GAS5: variants seen among roughly 807,000 people sequenced by gnomAD.
GAS5 encodes the protein growth arrest specific 5 (non-protein coding).
intron 1 of GAS5, chr1:173,866,858 T>C (rs1420099441): frequency 1.3e-6 from 1 of 765,506 alleles, no homozygotes; most frequent in Non-Finnish European, 2.4e-6. Flanking sequence ...TCACGTTAAA[T>C]ATAAATGCTG....
upstream of GAS5, chr1:173,867,069 A>T (rs577380006): frequency 1.1e-3 from 767 of 686,548 alleles, 7 homozygotes; most frequent in South Asian, 0.011. Flanking sequence ...ACAGATTTTA[A>T]TTCATTGTTC....
At chr1:173,867,296 G>T (rs1244790597), upstream of GAS5, 1 of 464,036 alleles carries the variant, frequency 2.2e-6, no homozygotes, top group East Asian at 3.8e-5. Context: ...ACGGCTGGTG[G>T]ATCACCTGAG....
rs192922148 is a variant in GAS5, at chr1:173,866,333, G to A, written n.132-127C>T. The A allele has an allele frequency of 5.9e-5, 31 of 521,610 alleles. No individual in the cohort carries two copies. The East Asian group carries it at 1.6e-3, about 27-fold the overall frequency. 32.3% of individuals were successfully genotyped at this position (521,610 alleles called of 1,614,324 possible). A position where few individuals can be genotyped will look rare whatever the true frequency, so the allele number is the denominator to read the frequency against. ...TCAGACAGATAGTACATCTCTTCATGATTAAATCTGCTGAACTATGCAACC... is the reference window on the plus strand; with the variant it reads ...TCAGACAGATAGTACATCTCTTCATAATTAAATCTGCTGAACTATGCAACC... On this transcript the variant is annotated intron_variant and non_coding_transcript_variant, in intron 3 of 7. Coordinates refer to ENST00000651080, the Ensembl canonical transcript of GAS5.
chr1:173,867,225 A>C, upstream of GAS5: 1 of 533,816 alleles, frequency 1.9e-6, no homozygotes, highest in South Asian at 2.8e-5. Flanking sequence ...GCAGTTAAGA[A>C]CCACCGATGG....
chr1:173,865,034 A>G, intron 6 of GAS5: 1 of 390,260 alleles, frequency 2.6e-6, no homozygotes. Context: ...AGCCTGGACA[A>G]CATAGCTGTA....
At chr1:173,866,607 C>G (rs762173235) in intron 2 of GAS5, 4 of 763,718 alleles carry the variant, frequency 5.2e-6, no homozygotes. Context: ...GGTGTACTCT[C>G]TATGTTCCCC....
chr1:173,867,868 T>C (rs1471737436), upstream of GAS5: 1 of 446,596 alleles, frequency 2.2e-6, no homozygotes, highest in Non-Finnish European at 4.6e-6. Context: ...GGCGCGCGAC[T>C]GGCTTAGAAG....
At chr1:173,867,552 C>T, upstream of GAS5, 1 of 469,746 alleles carries the variant, frequency 2.1e-6, no homozygotes, top group Non-Finnish European at 4.3e-6. Context: ...ATTGGTGACA[C>T]TGCGGAATGC....
intron 6 of GAS5, chr1:173,864,956 C>T (rs1354464482): frequency 3.9e-6 from 2 of 510,876 alleles, no homozygotes; most frequent in Middle Eastern, 3.4e-4. Context: ...TGGTGGCTCA[C>T]GCCTGTAATC....
At chr1:173,865,556 C>A in intron 5 of GAS5, 1 of 517,568 alleles carries the variant, frequency 1.9e-6, no homozygotes, top group Non-Finnish European at 3.9e-6. Context: ...AGCTGGAATA[C>A]AAATGAGGAC....
chr1:173,866,865 G>A, intron 1 of GAS5: 1 of 765,478 alleles, frequency 1.3e-6, no homozygotes, highest in East Asian at 2.4e-5. Context: ...AAATATAAAT[G>A]CTGTTAACAT....
At chr1:173,866,604 T>C in intron 2 of GAS5, 1 of 763,544 alleles carries the variant, frequency 1.3e-6, no homozygotes, top group East Asian at 2.4e-5. Context: ...TTAGGTGTAC[T>C]CTCTATGTTC....
intron 2 of GAS5, chr1:173,866,569 T>C: frequency 2.6e-6 from 2 of 756,488 alleles, no homozygotes; most frequent in Non-Finnish European, 4.8e-6. Flanking sequence ...CTTTAGGACC[T>C]GGGAAGAAAC....
At chr1:173,867,506 G>A, upstream of GAS5, 2 of 370,640 alleles carry the variant, frequency 5.4e-6, no homozygotes, top group Non-Finnish European at 5.4e-6. Flanking sequence ...AACGAGGCTC[G>A]GTCTCAAAAA....
At chr1:173,867,996 T>G (rs1048920653), upstream of GAS5, 2 of 324,604 alleles carry the variant, frequency 6.2e-6, no homozygotes, top group Non-Finnish European at 6.2e-6. Context: ...AAAGACAGTA[T>G]GGTGCCTGGG....
At chr1:173,866,191 G>T in exon 4 of GAS5, 1 of 469,092 alleles carries the variant, frequency 2.1e-6, no homozygotes, top group South Asian at 1.5e-5. Flanking sequence ...TCAACTTCCA[G>T]CTTTCTGTCT....
upstream of GAS5, chr1:173,868,075 T>C (rs1382348846): frequency 1.2e-5 from 2 of 172,618 alleles, no homozygotes; most frequent in Non-Finnish European, 2.5e-5. Context: ...CTTCGGCTCC[T>C]CCCCCTAACC....
At chr1:173,868,146 T>A, upstream of GAS5, 1 of 156,074 alleles carries the variant, frequency 6.4e-6, no homozygotes, top group Admixed American at 6.5e-5. Flanking sequence ...CCGCCCCTTT[T>A]CCCCGCCCTT....
intron 7 of GAS5, chr1:173,863,961 T>TC (rs778418104): frequency 7.0e-6 from 2 of 285,876 alleles, no homozygotes; most frequent in Non-Finnish European, 1.4e-5. Flanking sequence ...GCCATGAGAC[T>TC]CCATCAGGCA....
Sources: allele counts gnomAD v4.1 joint callset, GRCh38; gene constraint gnomAD v4.1.1; transcripts MANE v1.5; gene names NCBI Gene and HGNC (gene_info 2026-07-23, HGNC 2026-07-21).